The following ATP7B variants were observed in gnomAD, a reference collection of about 807,000 sequenced individuals.
ATP7B encodes ATPase copper transporting beta, also known as copper-transporting ATPase 2.
In ATP7B, 113 loss-of-function variants were observed where a neutral mutation model predicts 118.9. The observed-to-expected ratio is 0.95, with a 90% CI of 0.82 to 1.11. The LOEUF (loss-of-function observed/expected upper bound fraction) is 1.11. ATP7B is among the 50% of genes most tolerant of loss of function. The pLI, the probability that ATP7B is intolerant of heterozygous loss-of-function variation, is 0.00. For missense variants in ATP7B, 1,867 were observed against 1,871.4 expected (o/e 1.00, Z 0.04); for synonymous variants, 777 against 727.4 (o/e 1.07, Z -1.10).
chr13:52,002,621 C>T (rs1953562092), intron 1 of ATP7B, among the ~76,000 whole-genome samples: 1 of 35,238 alleles, frequency 2.8e-5, no homozygotes, highest in African/African-American at 1.1e-4. Flanking sequence ...AAGCCTCATG[C>T]AAAAGCTGGC....
chr13:51,986,529 A>G (rs1004104569), intron 1 of ATP7B, among the ~76,000 whole-genome samples: 13 of 152,214 alleles, frequency 8.5e-5, no homozygotes, highest in African/African-American at 3.1e-4. Context: ...TATTCCAAAC[A>G]ATAGAAAAAG....
Position 51,974,935 on chromosome 13 carries a change from T to C in ATP7B, c.285A>G (p.Gln95=). The C allele has an allele frequency of 6.2e-7, 1 of 1,614,220 alleles. No individual in the cohort carries two copies. Among genetic ancestry groups the C allele is most frequent in the Non-Finnish European group, 8.5e-7 (1 of 1,180,038 alleles). Residue 95 remains glutamine, a synonymous_variant, in exon 2 of 21, where the codon CAA becomes CAG. Coordinates refer to ENST00000242839, the MANE Select transcript of ATP7B (RefSeq NM_000053.4). Reference sequence around the variant, plus strand: ...GCACATATTTCACAGTGGCACTGCCTTGTTCCAGGGAAACCTTCATGCTGA... The same window carrying C: ...GCACATATTTCACAGTGGCACTGCCCTGTTCCAGGGAAACCTTCATGCTGA... The part of the protein sequence containing the change: ...GIISMKVSLE[Q]GSATVKYVPS...
chr13:51,986,987 C>G (rs532257746), intron 1 of ATP7B, among the ~76,000 whole-genome samples: 125 of 152,126 alleles, frequency 8.2e-4, no homozygotes, highest in Non-Finnish European at 1.2e-3. Flanking sequence ...AAACTGGAAG[C>G]ACTCCTTTTG....
chr13:51,940,355 G>T (rs1357334631), intron 16 of ATP7B, among the ~76,000 whole-genome samples: 1 of 142,660 alleles, frequency 7.0e-6, no homozygotes, highest in Non-Finnish European at 1.5e-5. Context: ...ACACCAGTCT[G>T]TATAAAGCAG....
intron 13 of ATP7B, among the ~76,000 whole-genome samples, chr13:51,944,788 AC>A: frequency 6.6e-6 from 1 of 151,838 alleles, no homozygotes; most frequent in East Asian, 1.9e-4. Context: ...TGACAAACAA[AC>A]CCCCAGAGCC....
chr13:51,998,564 A>G (rs1039390441), intron 1 of ATP7B, among the ~76,000 whole-genome samples: 1 of 152,092 alleles, frequency 6.6e-6, no homozygotes, highest in African/African-American at 2.4e-5. Context: ...AGTCCCTCAC[A>G]TATTTCTTCT....
intron 9 of ATP7B, among the ~76,000 whole-genome samples, chr13:51,952,601 G>C (rs1226074876): frequency 1.3e-5 from 2 of 152,108 alleles, no homozygotes; most frequent in Non-Finnish European, 2.9e-5. Flanking sequence ...TCTTAGAAAG[G>C]CACAAAATTG....
chr13:51,991,080 CTGTCTCATATTTAA>C (rs1952885205), intron 1 of ATP7B, among the ~76,000 whole-genome samples: 1 of 151,716 alleles, frequency 6.6e-6, no homozygotes, highest in African/African-American at 2.4e-5. Context: ...GAGCGAGACT[CTGTCTCATATTTAA>C]AGAAAAAAAA....
rs202131204 is a variant in ATP7B at position 51,934,766 on chromosome 13, T to C, written c.4388A>G (p.Gln1463Arg). 6.2e-7 allele frequency: 1 copy of C among 1,613,812 alleles called. No homozygotes were observed. Among genetic ancestry groups the C allele is most frequent in the Non-Finnish European group, 8.5e-7 (1 of 1,180,036 alleles). ...GCCTGCCTGAAGTCATCAGATGTAC[T>C]GCTCCTCATCCCTGCCATTCAGGAG... is the stretch of plus-strand genomic sequence containing the variant. The part of the protein sequence containing the change: ...SLLLNGRDEE[Q>R]YI The change falls in exon 21 of 21, where the codon CAG (glutamine) becomes CGG (arginine). Residue 1463 changes from glutamine (Q) to arginine (R), a missense_variant. Physicochemically the swap from Gln to Arg is conservative, Grantham distance 43. Transcript: ENST00000242839.
chr13:51,979,325 T>C (rs1413353829), intron 1 of ATP7B, among the ~76,000 whole-genome samples: 4 of 152,188 alleles, frequency 2.6e-5, no homozygotes, highest in African/African-American at 9.7e-5. Flanking sequence ...AAATGGATGC[T>C]TGTATAGGCA....
intron 1 of ATP7B, among the ~76,000 whole-genome samples, chr13:52,001,671 CCT>C (rs1224274042): frequency 6.6e-6 from 1 of 152,178 alleles, no homozygotes; most frequent in Non-Finnish European, 1.5e-5. Context: ...ATCATCCTTC[CCT>C]GTCTTATTTT....
At position 51,975,054 on chromosome 13, in the gene ATP7B, GAGA is replaced by G. The variant is rs1427436417; in HGVS notation, c.163_165del (p.Ser55del). The G allele has an allele frequency of 1.2e-6, 2 of 1,614,104 alleles. No individual in the cohort carries two copies. Among genetic ancestry groups the G allele is most frequent in the African/African-American group, 1.3e-5 (1 of 74,932 alleles). On this transcript the variant is annotated inframe_deletion, in exon 2 of 21. Transcript: ENST00000242839. ...ATCCTGACTGTGCTGGTGGCCACCT[GAGA>G]AGAAGGGCCCAGGCCATCCAGACCA...
intron 4 of ATP7B, among the ~76,000 whole-genome samples, chr13:51,965,635 G>A (rs960465027): frequency 1.3e-5 from 2 of 152,184 alleles, no homozygotes; most frequent in Admixed American, 6.5e-5. Context: ...CTACCAGAAG[G>A]AGAAGCTCGA....
chr13:51,977,696 T>C (rs911871922), intron 1 of ATP7B, among the ~76,000 whole-genome samples: 1 of 152,216 alleles, frequency 6.6e-6, no homozygotes, highest in Non-Finnish European at 1.5e-5. Context: ...TGTACAGAAT[T>C]GTATGTGCTC....
chr13:51,947,480 T>A (rs2139098928), intron 12 of ATP7B, among the ~76,000 whole-genome samples: 1 of 152,304 alleles, frequency 6.6e-6, no homozygotes, highest in Non-Finnish European at 1.5e-5. Context: ...TGGAGTATAA[T>A]CAAGAGATAC....
At chr13:51,978,394 C>G (rs1358420263) in intron 1 of ATP7B, among the ~76,000 whole-genome samples, 2 of 152,186 alleles carry the variant, frequency 1.3e-5, no homozygotes, top group African/African-American at 4.8e-5. Context: ...TCCAACCACA[C>G]TGGCACAGTC....
chr13:51,943,061 G>A (rs1159204800), intron 14 of ATP7B, among the ~76,000 whole-genome samples: 3 of 152,216 alleles, frequency 2.0e-5, no homozygotes, highest in Non-Finnish European at 2.9e-5. Flanking sequence ...AGGTGGCAGG[G>A]TAAAGGAATG....
At chr13:51,985,706 TAACA>T (rs1386745761) in intron 1 of ATP7B, among the ~76,000 whole-genome samples, 15 of 152,200 alleles carry the variant, frequency 9.9e-5, no homozygotes, top group African/African-American at 2.9e-4. Context: ...ACAGAAATAA[TAACA>T]AACAGTCTCT....
chr13:52,003,626 TAA>T (rs35755652), intron 1 of ATP7B, among the ~76,000 whole-genome samples: 1 of 148,542 alleles, frequency 6.7e-6, no homozygotes. Flanking sequence ...CTTCAACTGG[TAA>T]AAAAAAAAAA....
Sources: allele counts gnomAD v4.1 joint callset (sites outside exome capture counted in the v4.1 genomes callset), GRCh38; gene constraint gnomAD v4.1.1; transcripts MANE v1.5; gene names NCBI Gene and HGNC (gene_info 2026-07-23, HGNC 2026-07-21).